Variants in PCNX4 observed in about 807,000 individuals in gnomAD.
PCNX4 encodes pecanex-like protein 4.
Under a neutral mutation model 107.2 loss-of-function variants are expected in PCNX4, and 103 were observed. The ratio of observed to expected loss-of-function variants is 0.96; its 90% CI spans 0.82 to 1.13. The LOEUF is 1.13. Ranked by LOEUF, PCNX4 falls within the 50% of genes most tolerant of loss-of-function variation. The pLI, the probability that PCNX4 is intolerant of heterozygous loss-of-function variation, is 0.00. For synonymous variants in PCNX4, 541 were observed against 481.7 expected, an observed-to-expected ratio of 1.12 and a Z score of -1.61; for missense variants, 1,528 against 1,379.4, an observed-to-expected ratio of 1.11 and a Z score of -1.71.
At chr14:60,121,132 C>CAAAATA in intron 7 of PCNX4, 64 bp from the exon 8 acceptor site, 1 of 1,505,294 alleles carries the variant, frequency 6.6e-7, no homozygotes, top group Non-Finnish European at 8.8e-7. Context: ...ATTCACATGG[C>CAAAATA]AAAATAAAAG....
At chr14:60,108,529 G>T in intron 2 of PCNX4, 1 of 390,026 alleles carries the variant, frequency 2.6e-6, no homozygotes, top group Admixed American at 4.4e-5. Flanking sequence ...TTATTAAAGA[G>T]TTTTTTTAAA....
In PCNX4 at chr14:60,115,452, C is replaced by G; in HGVS notation, c.1348C>G (p.Leu450Val). The G allele has an allele frequency of 6.6e-7, 1 of 1,521,970 alleles. No individual in the cohort carries two copies. The highest frequency in any genetic ancestry group is 8.8e-7 in the Non-Finnish European group (1 of 1,140,742). 94.3% of individuals were successfully genotyped at this position (1,521,970 alleles called of 1,614,324 possible). ...GATTGGTATTGTCAGACGGATTTTG[C>G]TAACTTTAGGTAGGAAGATAAAGTC... is the stretch of plus-strand genomic sequence containing the variant. ...MKIGIVRRILLTLVSPFAMIA... is the reference protein window; with the variant it reads ...MKIGIVRRILVTLVSPFAMIA... The change falls in exon 4 of 11, where the codon CTA (leucine) becomes GTA (valine). Residue 450 changes from leucine to valine, a missense_variant. Transcript: ENST00000406854.
Position 60,092,202 on chromosome 14 carries a change from G to T in PCNX4, c.-271G>T, listed in dbSNP as rs938905845. The T allele has an allele frequency of 6.6e-6, 1 of 152,296 alleles. No individual in the cohort carries two copies. The highest frequency in any genetic ancestry group is 1.5e-5 in the Non-Finnish European group (1 of 68,068). 9.4% of individuals were successfully genotyped at this position (152,296 alleles called of 1,614,324 possible). On this transcript the variant is annotated 5_prime_UTR_variant, in exon 1 of 11. Transcript: ENST00000406854. ...CCCGAACGCGCACGCGCTCCGTTCAGCTCCGGGTGGCGGCCGCCGGAGTAG... is the reference window on the plus strand; with the variant it reads ...CCCGAACGCGCACGCGCTCCGTTCATCTCCGGGTGGCGGCCGCCGGAGTAG...
At chr14:60,125,871 G>A in intron 10 of PCNX4, 48 bp downstream of exon 10, 3 of 1,215,476 alleles carry the variant, frequency 2.5e-6, no homozygotes, top group South Asian at 3.5e-5. Context: ...CTTAAAGAAT[G>A]GATATAAGTT....
chr14:60,132,108 T>C (rs1896165422), intron 10 of PCNX4, among the ~76,000 whole-genome samples: 1 of 152,212 alleles, frequency 6.6e-6, no homozygotes, highest in African/African-American at 2.4e-5. Context: ...AAGGTGCCAG[T>C]AGAGCCACGC....
intron 10 of PCNX4, among the ~76,000 whole-genome samples, chr14:60,126,714 A>G (rs972417549): frequency 1.3e-5 from 2 of 152,150 alleles, no homozygotes; most frequent in African/African-American, 2.4e-5. Context: ...TGTCCCAGCT[A>G]TGTGTTGCTG....
intron 2 of PCNX4, among the ~76,000 whole-genome samples, chr14:60,111,758 T>C (rs549625856): frequency 2.0e-4 from 31 of 152,300 alleles, no homozygotes; most frequent in Admixed American, 1.6e-3. Context: ...ATTTAATATA[T>C]AGTTTTAATG....
rs532388010 is a variant in PCNX4 at position 60,104,516 on chromosome 14, A to G, written c.-53-3070A>G. Among the ~76,000 whole-genome samples, 88 of 152,304 alleles carry G rather than the reference A, an allele frequency of 5.8e-4. 3 individuals are homozygous for G. The Middle Eastern group carries it at 0.02, about 35-fold the overall frequency. Reference sequence around the variant, plus strand: ...AAGAATCTCAAGATGTGGCCTCTGTATTCATCTGTTTTCACACTGCTGATA... The same window carrying G: ...AAGAATCTCAAGATGTGGCCTCTGTGTTCATCTGTTTTCACACTGCTGATA... On this transcript the variant is annotated intron_variant, in intron 1 of 10. Coordinates refer to ENST00000406854, the MANE Select transcript of PCNX4 (RefSeq NM_001330177.2).
At chr14:60,118,197 A>G in intron 6 of PCNX4, 132 bp from the exon 7 acceptor site, 2 of 1,284,196 alleles carry the variant, frequency 1.6e-6, no homozygotes, top group Non-Finnish European at 2.0e-6. Flanking sequence ...CAAAAAAATC[A>G]AAGAATAAGA....
intron 8 of PCNX4, among the ~76,000 whole-genome samples, chr14:60,123,926 A>G (rs1196083830): frequency 6.6e-6 from 1 of 152,124 alleles, no homozygotes; most frequent in Non-Finnish European, 1.5e-5. Context: ...ACTCTTAACT[A>G]TCATTATAGT....
chr14:60,124,727 T>G lies in PCNX4; in HGVS notation c.2556T>G (p.Phe852Leu). 6.2e-7 allele frequency: 1 copy of G among 1,613,108 alleles called. No homozygotes were observed. The highest frequency in any genetic ancestry group is 1.1e-5 in the South Asian group (1 of 91,064). Residue 852 changes from phenylalanine to leucine, a missense_variant, in exon 9 of 11, where the codon TTT becomes TTG. Phe to Leu is a conservative substitution (Grantham distance 22). Transcript: ENST00000406854. ...AAGATTTGCCAGGTACAAATTTGTT[T>G]ATTCCAGGATCAGTAGAATCACAGA... ...QLKDLPGTNL[F>L]IPGSVESQRV...
Position 60,114,799 on chromosome 14 carries a change from A to C in PCNX4, c.789A>C (p.Pro263=). Residue 263 remains proline, a synonymous_variant, in exon 3 of 11, where the codon CCA becomes CCC. Coordinates refer to ENST00000406854, the MANE Select transcript of PCNX4 (RefSeq NM_001330177.2). The part of the protein sequence containing the change: ...PFLWALGTLP[P]PDALLLWAME... Reference sequence around the variant, plus strand: ...TGTGGGCACTTGGGACTCTGCCCCCACCCGATGCACTTCTCTTATGGGCAA... The same window carrying C: ...TGTGGGCACTTGGGACTCTGCCCCCCCCCGATGCACTTCTCTTATGGGCAA... 1 of 1,613,778 alleles carries C rather than the reference A, an allele frequency of 6.2e-7. No homozygotes were observed. Among genetic ancestry groups the C allele is most frequent in the Non-Finnish European group, 8.5e-7 (1 of 1,179,838 alleles).
At chr14:60,128,134 A>T (rs1896089386) in intron 10 of PCNX4, among the ~76,000 whole-genome samples, 3 of 151,908 alleles carry the variant, frequency 2.0e-5, no homozygotes. Flanking sequence ...TACACTTAGT[A>T]TCGGAAGGAG....
Position 60,133,395 on chromosome 14 carries a change from A to C in PCNX4, c.3268-575A>C, listed in dbSNP as rs558887544. The stretch of plus-strand genomic sequence containing the variant: ...AATTTACAGAACAGGCCAGTCTATA[A>C]AGATAGAAAGTATGTTAGTGGTTGC... On this transcript the variant is annotated intron_variant, in intron 10 of 10. Transcript: ENST00000406854. 4.5e-4 allele frequency among the ~76,000 whole-genome samples: 68 copies of C among 152,318 alleles called. 1 individual carries two copies. In the Middle Eastern group the frequency reaches 0.02, roughly 46 times the overall value.
At chr14:60,116,192 A>G (rs1895845553) in intron 6 of PCNX4, 132 bp downstream of exon 6, 1 of 879,328 alleles carries the variant, frequency 1.1e-6, no homozygotes, top group Non-Finnish European at 1.6e-6. Flanking sequence ...CATCCCAAAA[A>G]GAAACCTCAA....
At chr14:60,127,898 A>G (rs1030455572) in intron 10 of PCNX4, among the ~76,000 whole-genome samples, 7 of 152,190 alleles carry the variant, frequency 4.6e-5, no homozygotes, top group African/African-American at 1.7e-4. Flanking sequence ...TATGGTGACA[A>G]TCACATCAAA....
chr14:60,122,915 G>A (rs763140143), intron 8 of PCNX4, among the ~76,000 whole-genome samples: 9 of 152,114 alleles, frequency 5.9e-5, no homozygotes, highest in Non-Finnish European at 1.3e-4. Flanking sequence ...AAAATGCAGT[G>A]CCCTGACTAG....
chr14:60,134,074 A>G lies in PCNX4; in HGVS notation c.3372A>G (p.Glu1124=), dbSNP rs1896202767. The change falls in exon 11 of 11, where the codon GAA becomes GAG. Residue 1124 remains glutamate, a synonymous_variant. Coordinates refer to ENST00000406854, the MANE Select transcript of PCNX4 (RefSeq NM_001330177.2). ...VRGQWANLSW[E]LLYATNDDEE... is the part of the protein sequence containing the mutation. ...GTCAGTGGGCCAATCTTTCATGGGAATTACTTTATGCCACAAACGATGATG... is the reference window on the plus strand; with the variant it reads ...GTCAGTGGGCCAATCTTTCATGGGAGTTACTTTATGCCACAAACGATGATG... The G allele has an allele frequency of 1.2e-6, 2 of 1,613,708 alleles. No individual in the cohort carries two copies. Among genetic ancestry groups the G allele is most frequent in the Non-Finnish European group, 1.7e-6 (2 of 1,179,810 alleles).
At chr14:60,093,148 A>G (rs1247305979) in intron 1 of PCNX4, among the ~76,000 whole-genome samples, 1 of 152,172 alleles carries the variant, frequency 6.6e-6, no homozygotes, top group Non-Finnish European at 1.5e-5. Context: ...TTTCCTACTT[A>G]AAGAGCTGCC....
Sources: allele counts gnomAD v4.1 joint callset (sites outside exome capture counted in the v4.1 genomes callset), GRCh38; gene constraint gnomAD v4.1.1; transcripts MANE v1.5; gene names NCBI Gene and HGNC (gene_info 2026-07-23, HGNC 2026-07-21).